Variants in MIX23 observed in about 807,000 individuals in gnomAD.
MIX23 encodes the protein mitochondrial matrix import factor 23.
A neutral mutation model predicts 21.6 loss-of-function variants in MIX23; 13 were observed. The observed-to-expected ratio is 0.60, with a 90% CI of 0.39 to 0.96. MIX23 has a LOEUF of 0.96. Among genes scored for constraint, MIX23 ranks in the 40% least tolerant of loss-of-function variants. The probability of loss-of-function intolerance (pLI) is 0.00; values close to 1 mark genes in which losing one functional copy is unlikely to be tolerated. For synonymous variants in MIX23, 59 were observed against 58.0 expected (o/e 1.02, Z -0.08); for missense variants, 144 against 171.2 (o/e 0.84, Z 0.89).
intron 2 of MIX23, 133 bp from the exon 3 acceptor site, chr3:122,368,455 G>A (rs759390011): frequency 1.8e-4 from 164 of 893,340 alleles, no homozygotes; most frequent in Admixed American, 5.8e-4. Flanking sequence ...CTGAAACCAT[G>A]AAAGAGAAGA....
chr3:122,362,161 G>A (rs2075362835), intron 4 of MIX23, among the ~76,000 whole-genome samples: 1 of 152,054 alleles, frequency 6.6e-6, no homozygotes, highest in Non-Finnish European at 1.5e-5. Context: ...TGATAATAAG[G>A]AGCTTGTAAA....
chr3:122,363,608 G>C lies in MIX23; in HGVS notation c.325-581C>G, dbSNP rs567725195. ...CAAAGATAGCACAGAGGAAAAAAAG[G>C]ACAAGGAAGTGCAAACCTGACCTGA... On this transcript the variant is annotated intron_variant, in intron 3 of 4. Coordinates refer to ENST00000291458, the MANE Select transcript of MIX23 (RefSeq NM_001017928.4). Among the ~76,000 whole-genome samples the C allele has an allele frequency of 2.6e-5, 4 of 151,762 alleles. No homozygotes were observed. The East Asian group carries it at 5.8e-4, about 22-fold the overall frequency.
At chr3:122,373,114 A>G (rs1378365231) in intron 1 of MIX23, 1 of 350,076 alleles carries the variant, frequency 2.9e-6, no homozygotes, top group African/African-American at 2.2e-5. Flanking sequence ...AAAATCATCC[A>G]TAGTTAACCA....
At chr3:122,368,374 CAT>C in intron 2 of MIX23, 52 bp from the exon 3 acceptor site, 1 of 1,496,050 alleles carries the variant, frequency 6.7e-7, no homozygotes, top group Non-Finnish European at 8.9e-7. Context: ...AAATTTATCA[CAT>C]TTTAGTGTTT....
At chr3:122,370,760 T>C (rs896534349) in intron 2 of MIX23, among the ~76,000 whole-genome samples, 6 of 152,190 alleles carry the variant, frequency 3.9e-5, no homozygotes, top group Non-Finnish European at 1.5e-5. Flanking sequence ...CAATTAGGAC[T>C]AGGTCCCATC....
intron 2 of MIX23, among the ~76,000 whole-genome samples, chr3:122,370,600 T>C (rs1445294095): frequency 6.6e-6 from 1 of 151,930 alleles, no homozygotes; most frequent in Non-Finnish European, 1.5e-5. Flanking sequence ...TCTAGGTTAA[T>C]AGGAAGATTG....
At chr3:122,376,820 G>T (rs1287211176) in intron 1 of MIX23, among the ~76,000 whole-genome samples, 1 of 152,152 alleles carries the variant, frequency 6.6e-6, no homozygotes, top group East Asian at 1.9e-4. Flanking sequence ...AAGGGCAAGG[G>T]TAAGGAGGAA....
In MIX23 at chr3:122,359,830, TAAAAAAAAAAAA is replaced by T. The variant is rs527562300; in HGVS notation, c.*27_*38del. The T allele has an allele frequency of 0.018, 17,812 of 1,001,666 alleles. 30 individuals carry two copies. Among genetic ancestry groups the T allele is most frequent in the African/African-American group, 0.042 (1,285 of 30,782 alleles). The allele number at this position is 1,001,666 out of a possible 1,614,324, so 62.0% of individuals were successfully genotyped here. On this transcript the variant is annotated 3_prime_UTR_variant, in exon 5 of 5. Transcript: ENST00000291458. The stretch of plus-strand genomic sequence containing the variant: ...AGCTCTTATGAGATGACCCAGTCCT[TAAAAAAAAAAAA>T]AAAAAAAAAAAAAAAAGAATCTCTC...
At chr3:122,371,650 CAA>C in intron 2 of MIX23, 23 bp downstream of exon 2, 1 of 1,610,564 alleles carries the variant, frequency 6.2e-7, no homozygotes, top group Non-Finnish European at 8.5e-7. Flanking sequence ...ATGAAAGAAG[CAA>C]AAGACTCAAA....
intron 3 of MIX23, among the ~76,000 whole-genome samples, chr3:122,367,610 G>T (rs9818537): frequency 0.13 from 19,724 of 152,168 alleles, 1,444 homozygotes; most frequent in East Asian, 0.32. Flanking sequence ...AAAAGCCAAA[G>T]ATCCCTAGCA....
In MIX23 at chr3:122,368,227, C is replaced by A; in HGVS notation, c.273G>T (p.Lys91Asn). The A allele has an allele frequency of 6.2e-7, 1 of 1,610,258 alleles. No individual in the cohort carries two copies. Among genetic ancestry groups the A allele is most frequent in the Non-Finnish European group, 8.5e-7 (1 of 1,179,560 alleles). ...VVKNLREERE[K>N]NLDDLTLLKQ... ...TTAATAACGTTAAATCGTCCAAATT[C>A]TTTTCTCTCTCTTCTCGGAGGTTTT... The change falls in exon 3 of 5, where the codon AAG becomes AAT. Residue 91 changes from lysine to asparagine, a missense_variant. Coordinates refer to ENST00000291458, the MANE Select transcript of MIX23 (RefSeq NM_001017928.4).
chr3:122,367,660 A>G (rs2075407159), intron 3 of MIX23, among the ~76,000 whole-genome samples: 1 of 152,254 alleles, frequency 6.6e-6, no homozygotes, highest in Non-Finnish European at 1.5e-5. Context: ...ATGAGGTACA[A>G]GTAAATCTGG....
intron 1 of MIX23, among the ~76,000 whole-genome samples, chr3:122,372,742 A>T (rs2075451797): frequency 6.6e-6 from 1 of 152,154 alleles, no homozygotes; most frequent in African/African-American, 2.4e-5. Flanking sequence ...TGGGGCAGGA[A>T]GATCACTGAA....
intron 1 of MIX23, among the ~76,000 whole-genome samples, chr3:122,377,312 T>G (rs1053470347): frequency 2.6e-5 from 4 of 151,744 alleles, no homozygotes; most frequent in Non-Finnish European, 5.9e-5. Flanking sequence ...AGTAGAAGAG[T>G]GGAATAGAAA....
chr3:122,379,385 A>G (rs2075513007), intron 1 of MIX23, among the ~76,000 whole-genome samples: 1 of 152,214 alleles, frequency 6.6e-6, no homozygotes, highest in Non-Finnish European at 1.5e-5. Context: ...AAGAACTGTA[A>G]ACCGTCTCAC....
At chr3:122,363,454 TAGTA>T (rs2075374609) in intron 3 of MIX23, among the ~76,000 whole-genome samples, 1 of 151,808 alleles carries the variant, frequency 6.6e-6, no homozygotes, top group African/African-American at 2.4e-5. Flanking sequence ...CATATATTCT[TAGTA>T]AGAGTATAAA....
At chr3:122,377,111 G>A (rs761517943) in intron 1 of MIX23, among the ~76,000 whole-genome samples, 5 of 152,186 alleles carry the variant, frequency 3.3e-5, no homozygotes, top group Non-Finnish European at 1.5e-5. Context: ...AACCCAGCAC[G>A]CAGAGGTTGC....
chr3:122,371,382 T>C (rs2107681931), intron 2 of MIX23, among the ~76,000 whole-genome samples: 1 of 152,384 alleles, frequency 6.6e-6, no homozygotes, highest in Admixed American at 6.5e-5. Flanking sequence ...ACTGTTTCAC[T>C]CTCCTCCTTT....
At position 122,359,830 on chromosome 3, in the gene MIX23, TAAAAAAAAAAA is replaced by T. The variant is rs527562300; in HGVS notation, c.*28_*38del. On this transcript the variant is annotated 3_prime_UTR_variant, in exon 5 of 5. Coordinates refer to ENST00000291458, the MANE Select transcript of MIX23 (RefSeq NM_001017928.4). Reference sequence around the variant, plus strand: ...AGCTCTTATGAGATGACCCAGTCCTTAAAAAAAAAAAAAAAAAAAAAAAAAAAAGAATCTCT... The same window carrying T: ...AGCTCTTATGAGATGACCCAGTCCTTAAAAAAAAAAAAAAAAAGAATCTCT... 129,880 of 997,724 alleles carry T rather than the reference TAAAAAAAAAAA, an allele frequency of 0.13. 1,649 individuals carry two copies. The highest frequency in any genetic ancestry group is 0.18 in the Middle Eastern group (495 of 2,792). 61.8% of individuals were successfully genotyped at this position (997,724 alleles called of 1,614,324 possible).
Sources: allele counts gnomAD v4.1 joint callset (sites outside exome capture counted in the v4.1 genomes callset), GRCh38; gene constraint gnomAD v4.1.1; transcripts MANE v1.5; gene names NCBI Gene and HGNC (gene_info 2026-07-23, HGNC 2026-07-21).